AUTS2: variants seen among roughly 807,000 people sequenced by gnomAD.
AUTS2 encodes autism susceptibility gene 2 protein.
A neutral mutation model predicts 112.4 loss-of-function variants in AUTS2; 17 were observed. The ratio of observed to expected loss-of-function variants is 0.15; its 90% CI spans 0.10 to 0.23. The LOEUF (loss-of-function observed/expected upper bound fraction) is 0.23, where lower values mean the gene tolerates loss of function less well. Among genes scored for constraint, AUTS2 ranks in the 10% least tolerant of loss-of-function variants. The pLI, the probability that AUTS2 is intolerant of heterozygous loss-of-function variation, is 1.00. For missense variants in AUTS2, 1,510 were observed against 1,701.6 expected (o/e 0.89, Z 1.98); for synonymous variants, 751 against 702.7 (o/e 1.07, Z -1.09).
rs1356720998 is a variant in AUTS2, at chr7:70,694,613, C to T, written c.691-3956C>T. Reference sequence around the variant, plus strand: ...CGCCGCGGCGGCGGCTCAGGCCGCTCTTCTCCGCCTCGCCCTCCCGCCGGC... The same window carrying T: ...CGCCGCGGCGGCGGCTCAGGCCGCTTTTCTCCGCCTCGCCCTCCCGCCGGC... On this transcript the variant is annotated intron_variant, in intron 5 of 18. Transcript: ENST00000342771. The surrounding 1 kb of genome is among the most constrained non-coding windows in gnomAD (Gnocchi z 4.1). 6.7e-6 allele frequency: 1 copy of T among 148,764 alleles called. No homozygotes were observed. Among genetic ancestry groups the T allele is most frequent in the Non-Finnish European group, 1.5e-5 (1 of 66,984 alleles). The allele number at this position is 148,764 out of a possible 1,614,324, so 9.2% of individuals were successfully genotyped here. A position where few individuals can be genotyped will look rare whatever the true frequency, so the allele number is the denominator to read the frequency against.
At chr7:69,784,875 C>G (rs1043649193) in intron 1 of AUTS2, among the ~76,000 whole-genome samples, 3 of 152,178 alleles carry the variant, frequency 2.0e-5, no homozygotes, top group African/African-American at 7.2e-5. Context: ...ACCTATTGTG[C>G]TACTATGTGC....
rs528309461 is a variant in AUTS2, at chr7:70,704,633, T to C, written c.742+6013T>C. 8.5e-4 allele frequency among the ~76,000 whole-genome samples: 129 copies of C among 152,286 alleles called. 1 individual carries two copies. In the South Asian group the frequency reaches 0.01, roughly 12 times the overall value. ...AGTAATATGCATTCATGATAGACAA[T>C]TGGAATTGAAAAATATCAGATCAGT... On this transcript the variant is annotated intron_variant, in intron 6 of 18. Transcript: ENST00000342771.
At chr7:69,723,719 T>A (rs1258357732) in intron 1 of AUTS2, among the ~76,000 whole-genome samples, 1 of 152,218 alleles carries the variant, frequency 6.6e-6, no homozygotes, top group Non-Finnish European at 1.5e-5. Context: ...TATGTTTAAC[T>A]AGTAGAAGTC....
intron 5 of AUTS2, among the ~76,000 whole-genome samples, chr7:70,460,460 C>T (rs1252102916): frequency 6.7e-6 from 1 of 150,322 alleles, no homozygotes; most frequent in East Asian, 2.0e-4. Flanking sequence ...AAGTGATTCT[C>T]CGGCCTCAGC....
intron 4 of AUTS2, among the ~76,000 whole-genome samples, chr7:70,417,693 G>A (rs533041068): frequency 6.6e-6 from 1 of 152,298 alleles, no homozygotes; most frequent in African/African-American, 2.4e-5. Context: ...GAACTGGGAA[G>A]GATGAGCTTT....
intron 6 of AUTS2, among the ~76,000 whole-genome samples, chr7:70,760,824 C>T (rs61610980): frequency 1.3e-5 from 2 of 152,206 alleles, no homozygotes; most frequent in African/African-American, 4.8e-5. Context: ...CAGCACTGGA[C>T]AGAAATGTCG....
At chr7:70,773,744 A>C (rs914177757) in intron 11 of AUTS2, among the ~76,000 whole-genome samples, 3 of 152,236 alleles carry the variant, frequency 2.0e-5, no homozygotes, top group Non-Finnish European at 4.4e-5. Context: ...CCAGGACAGC[A>C]TTTACGTTTG....
chr7:70,632,963 A>G (rs1471352415), intron 5 of AUTS2, among the ~76,000 whole-genome samples: 1 of 152,026 alleles, frequency 6.6e-6, no homozygotes, highest in Non-Finnish European at 1.5e-5. Context: ...GATGTGAGCC[A>G]GGAGCAGTAG....
intron 2 of AUTS2, among the ~76,000 whole-genome samples, chr7:70,029,869 T>G (rs981312458): frequency 6.6e-6 from 1 of 152,154 alleles, no homozygotes; most frequent in Non-Finnish European, 1.5e-5. Context: ...CAGTAAAACT[T>G]TATTTACAAA....
intron 4 of AUTS2, among the ~76,000 whole-genome samples, chr7:70,331,536 G>T (rs1554369193): frequency 2.0e-5 from 3 of 147,660 alleles, no homozygotes. Flanking sequence ...TTTTTGAAGG[G>T]TTTTTCATGT....
intron 2 of AUTS2, among the ~76,000 whole-genome samples, chr7:70,059,729 T>A (rs992431678): frequency 2.0e-5 from 3 of 152,120 alleles, no homozygotes; most frequent in African/African-American, 7.2e-5. Context: ...GAACACGGTG[T>A]TATGTTTTCG....
intron 5 of AUTS2, among the ~76,000 whole-genome samples, chr7:70,599,717 A>G (rs957156432): frequency 2.0e-5 from 3 of 152,202 alleles, no homozygotes; most frequent in Non-Finnish European, 4.4e-5. Context: ...AGGTAGAGCA[A>G]GAAGTCAAGC....
At chr7:70,774,157 G>T in intron 12 of AUTS2, 58 bp downstream of exon 12, 1 of 1,529,594 alleles carries the variant, frequency 6.5e-7, no homozygotes. Context: ...GTTTGCACGG[G>T]ACGGCCAGCC....
At chr7:70,490,880 A>G (rs1354327288) in intron 5 of AUTS2, among the ~76,000 whole-genome samples, 1 of 152,166 alleles carries the variant, frequency 6.6e-6, no homozygotes, top group Non-Finnish European at 1.5e-5. Context: ...TTTCTTTTTA[A>G]AAGATTAAGT....
At chr7:70,410,851 G>A (rs895810247) in intron 4 of AUTS2, among the ~76,000 whole-genome samples, 2 of 148,194 alleles carry the variant, frequency 1.3e-5, no homozygotes, top group African/African-American at 2.5e-5. Context: ...TATTATTATT[G>A]TTATTATTAT....
chr7:70,213,361 T>TAA lies in AUTS2; in HGVS notation c.660+78807_660+78808dup, dbSNP rs34904267. Reference sequence around the variant, plus strand: ...GGTTAACGATACAAGACCCCCTTTCTAAAAAAAAAAAAAAAAAAGCCAAGT... The same window carrying TAA: ...GGTTAACGATACAAGACCCCCTTTCTAAAAAAAAAAAAAAAAAAAAGCCAAGT... On this transcript the variant is annotated intron_variant, in intron 4 of 18. Transcript: ENST00000342771. Among the ~76,000 whole-genome samples, 272 of 97,416 alleles carry TAA rather than the reference T, an allele frequency of 2.8e-3. 1 individual carries two copies. Among genetic ancestry groups the TAA allele is most frequent in the Admixed American group, 4.5e-3 (42 of 9,274 alleles). 63.9% of individuals were successfully genotyped at this position (97,416 alleles called of 152,430 possible).
At chr7:70,068,191 T>C (rs1407252102) in intron 2 of AUTS2, among the ~76,000 whole-genome samples, 7 of 151,218 alleles carry the variant, frequency 4.6e-5, no homozygotes, top group African/African-American at 1.7e-4. Context: ...TTTTTTTTTT[T>C]TGAGAGAGAT....
chr7:70,212,853 CTAAA>C (rs2129588852), intron 4 of AUTS2, among the ~76,000 whole-genome samples: 1 of 152,126 alleles, frequency 6.6e-6, no homozygotes, highest in African/African-American at 2.4e-5. Flanking sequence ...AATTGTGTAA[CTAAA>C]TGTCTCAAAC....
At chr7:69,767,076 CGT>C (rs1454868628) in intron 1 of AUTS2, among the ~76,000 whole-genome samples, 1 of 152,134 alleles carries the variant, frequency 6.6e-6, no homozygotes, top group Non-Finnish European at 1.5e-5. Flanking sequence ...CACGTTTGTA[CGT>C]GTGTGTGTTG....
Sources: allele counts gnomAD v4.1 joint callset (sites outside exome capture counted in the v4.1 genomes callset), GRCh38; gene constraint gnomAD v4.1.1; non-coding constraint Gnocchi (gnomAD v3.1); transcripts MANE v1.5; gene names NCBI Gene and HGNC (gene_info 2026-07-23, HGNC 2026-07-21).